The following STX8 variants were observed in gnomAD, a reference collection of about 807,000 sequenced individuals.
STX8 encodes the protein syntaxin 8.
Under a neutral mutation model 37.5 loss-of-function variants are expected in STX8, and 23 were observed. That is an observed-to-expected ratio of 0.61 (90% CI 0.44 to 0.87). STX8 has a LOEUF of 0.87. STX8 is among the 40% of genes least tolerant of loss of function. The pLI is 0.00. For synonymous variants in STX8, 115 were observed against 99.1 expected (o/e 1.16, Z -0.95); for missense variants, 313 against 284.7 (o/e 1.10, Z -0.71).
chr17:9,426,209 G>C (rs934737873), intron 6 of STX8, among the ~76,000 whole-genome samples: 9 of 152,118 alleles, frequency 5.9e-5, no homozygotes, highest in African/African-American at 1.9e-4. Context: ...TGAGGCAGGA[G>C]GACTGCTTAA....
intron 4 of STX8, among the ~76,000 whole-genome samples, chr17:9,532,152 C>T (rs1905844667): frequency 6.6e-6 from 1 of 150,580 alleles, no homozygotes; most frequent in Non-Finnish European, 1.5e-5. Flanking sequence ...CTTTCCTATC[C>T]CATGGTGAGG....
At chr17:9,546,031 C>T (rs71358257) in intron 3 of STX8, among the ~76,000 whole-genome samples, 3 of 151,966 alleles carry the variant, frequency 2.0e-5, no homozygotes, top group African/African-American at 4.8e-5. Context: ...AAAGTGGGGG[C>T]GCTGGGGGAG....
intron 4 of STX8, among the ~76,000 whole-genome samples, chr17:9,521,834 C>A (rs1006047951): frequency 3.9e-5 from 6 of 152,196 alleles, no homozygotes; most frequent in Non-Finnish European, 5.9e-5. Flanking sequence ...AGGAAAATAT[C>A]TTCCTTACAT....
At chr17:9,269,233 G>A (rs532067055) in intron 7 of STX8, among the ~76,000 whole-genome samples, 1 of 152,128 alleles carries the variant, frequency 6.6e-6, no homozygotes, top group African/African-American at 2.4e-5. Flanking sequence ...GAGTCACTGT[G>A]GCAGAGTGGA....
At chr17:9,495,114 T>C (rs1320047109) in intron 5 of STX8, among the ~76,000 whole-genome samples, 2 of 152,230 alleles carry the variant, frequency 1.3e-5, no homozygotes, top group Non-Finnish European at 2.9e-5. Context: ...GCTCTTTAAT[T>C]CATCTGGAAT....
At chr17:9,378,724 T>TGA in intron 6 of STX8, 71 bp from the exon 7 acceptor site, 10 of 1,165,512 alleles carry the variant, frequency 8.6e-6, no homozygotes, top group African/African-American at 1.5e-5. Flanking sequence ...ACAGCTGTGG[T>TGA]TGTTCATCCT....
intron 7 of STX8, among the ~76,000 whole-genome samples, chr17:9,310,222 C>T (rs1299055589): frequency 5.9e-5 from 9 of 152,106 alleles, no homozygotes; most frequent in Non-Finnish European, 1.0e-4. Flanking sequence ...AAGAGAACTT[C>T]GTGGTGGAGA....
chr17:9,462,914 C>T (rs1905456997), intron 6 of STX8, among the ~76,000 whole-genome samples: 1 of 152,270 alleles, frequency 6.6e-6, no homozygotes, highest in Admixed American at 6.5e-5. Context: ...AATGGACTGG[C>T]CAAGGGGCCC....
intron 7 of STX8, among the ~76,000 whole-genome samples, chr17:9,368,322 G>A (rs983404104): frequency 1.3e-5 from 2 of 152,042 alleles, no homozygotes; most frequent in Non-Finnish European, 2.9e-5. Flanking sequence ...GGCTAACACA[G>A]TGAAACTCCG....
At chr17:9,343,048 C>T (rs1194134792) in intron 7 of STX8, among the ~76,000 whole-genome samples, 1 of 142,662 alleles carries the variant, frequency 7.0e-6, no homozygotes. Flanking sequence ...AAAAAAGCTG[C>T]AAATGTGAGG....
At chr17:9,438,915 C>T (rs866868904) in intron 6 of STX8, among the ~76,000 whole-genome samples, 5 of 151,838 alleles carry the variant, frequency 3.3e-5, no homozygotes, top group African/African-American at 9.7e-5. Flanking sequence ...GGTGACAGAG[C>T]GAGACTCCAT....
intron 7 of STX8, among the ~76,000 whole-genome samples, chr17:9,336,392 CCCTTCCCCTTCCTCCCTT>C (rs1365099255): frequency 2.0e-5 from 3 of 151,846 alleles, no homozygotes; most frequent in Middle Eastern, 3.4e-3. Flanking sequence ...TTTCTTTCTC[CCCTTCCCCTTCCTCCCTT>C]CCTTCCCCTT....
intron 3 of STX8, chr17:9,553,809 A>T (rs920065331): frequency 3.3e-5 from 5 of 152,290 alleles, no homozygotes; most frequent in South Asian, 4.1e-4. Flanking sequence ...GCCAGGTGAC[A>T]GCTGACTGTA....
chr17:9,319,215 C>T (rs189183741), intron 7 of STX8, among the ~76,000 whole-genome samples: 4 of 152,042 alleles, frequency 2.6e-5, no homozygotes, highest in Admixed American at 2.0e-4. Context: ...GTCAGGAGAT[C>T]GAGACCGTCC....
At chr17:9,569,181 T>C (rs140672128) in intron 1 of STX8, among the ~76,000 whole-genome samples, 154 of 152,330 alleles carry the variant, frequency 1.0e-3, no homozygotes, top group Non-Finnish European at 2.0e-3. Context: ...CACTGGGCAC[T>C]GTTCTGGGCA....
At chr17:9,541,154 G>A (rs1450750266) in intron 4 of STX8, among the ~76,000 whole-genome samples, 3 of 152,176 alleles carry the variant, frequency 2.0e-5, no homozygotes, top group African/African-American at 4.8e-5. Context: ...GGTTTAAGGA[G>A]GTTTCGGTGA....
chr17:9,547,139 T>C (rs1375973935), intron 3 of STX8, among the ~76,000 whole-genome samples: 1 of 151,072 alleles, frequency 6.6e-6, no homozygotes, highest in Non-Finnish European at 1.5e-5. Context: ...TCCCAGCTAC[T>C]CGGGAGGCTG....
At chr17:9,446,540 A>G (rs7216777) in intron 6 of STX8, among the ~76,000 whole-genome samples, 67,252 of 152,014 alleles carry the variant, frequency 0.44, 15,251 homozygotes, top group East Asian at 0.64. Context: ...AGGAGGAAGC[A>G]AACTACTGTT....
chr17:9,395,284 G>C (rs1430976059), intron 6 of STX8, among the ~76,000 whole-genome samples: 1 of 151,952 alleles, frequency 6.6e-6, no homozygotes, highest in African/African-American at 2.4e-5. Flanking sequence ...TGCGTGTTTT[G>C]GGAATCCTAA....
Sources: allele counts gnomAD v4.1 joint callset (sites outside exome capture counted in the v4.1 genomes callset), GRCh38; gene constraint gnomAD v4.1.1; transcripts MANE v1.5; gene names NCBI Gene and HGNC (gene_info 2026-07-23, HGNC 2026-07-21).